IL1RAPL1: variants seen among roughly 807,000 people sequenced by gnomAD.
IL1RAPL1 encodes the protein interleukin 1 receptor accessory protein like 1.
Under a neutral mutation model 48.4 loss-of-function variants are expected in IL1RAPL1, and 3 were observed. That is an observed-to-expected ratio of 0.06 (90% CI 0.03 to 0.16). The LOEUF is 0.16. IL1RAPL1 is among the 10% of genes least tolerant of loss of function. The probability of loss-of-function intolerance (pLI) is 1.00; values close to 1 mark genes in which losing one functional copy is unlikely to be tolerated. For synonymous variants in IL1RAPL1, 185 were observed against 187.7 expected, an observed-to-expected ratio of 0.99 and a Z score of 0.12; for missense variants, 349 against 530.6, an observed-to-expected ratio of 0.66 and a Z score of 3.36.
In IL1RAPL1 at chrX:29,891,403, G is replaced by C. The variant is rs146035282; in HGVS notation, c.779-26061G>C. On this transcript the variant is annotated intron_variant, in intron 6 of 10. Transcript: ENST00000378993. ...ATGGCCATCAGCAGGGACTAATGGT[G>C]GTCACTATTAGTCTTCACTGACAGG... 2.1e-3 allele frequency among the ~76,000 whole-genome samples: 235 copies of C among 111,393 alleles called. 1 individual carries two copies. The highest frequency in any genetic ancestry group is 7.3e-3 in the African/African-American group (224 of 30,655).
intron 2 of IL1RAPL1, among the ~76,000 whole-genome samples, chrX:28,862,321 A>AT (rs938880893): frequency 2.7e-5 from 3 of 111,632 alleles, no homozygotes; most frequent in African/African-American, 9.8e-5. Context: ...TGTACTAGTA[A>AT]TTTTTTTCTT....
intron 6 of IL1RAPL1, among the ~76,000 whole-genome samples, chrX:29,879,019 G>C (rs1295776035): frequency 9.0e-6 from 1 of 111,131 alleles, no homozygotes; most frequent in Non-Finnish European, 1.9e-5. Flanking sequence ...AGTTCATTGG[G>C]TGAATGGATA....
At chrX:29,589,452 CA>C (rs1411143546) in intron 5 of IL1RAPL1, among the ~76,000 whole-genome samples, 1 of 108,587 alleles carries the variant, frequency 9.2e-6, no homozygotes, top group Non-Finnish European at 1.9e-5. Context: ...CTCCTATTTT[CA>C]GGTATTCTTT....
intron 6 of IL1RAPL1, among the ~76,000 whole-genome samples, chrX:29,871,561 C>G (rs1300216117): frequency 8.9e-6 from 1 of 111,989 alleles, no homozygotes; most frequent in African/African-American, 3.2e-5. Context: ...GTTTCCCACA[C>G]CTTGCTAGAT....
chrX:29,878,586 C>T (rs1461793627), intron 6 of IL1RAPL1, among the ~76,000 whole-genome samples: 1 of 111,578 alleles, frequency 9.0e-6, no homozygotes, highest in Non-Finnish European at 1.9e-5. Flanking sequence ...CAGATGTGGT[C>T]AAGACAAAAG....
chrX:28,803,501 T>C (rs1268698887), intron 2 of IL1RAPL1, among the ~76,000 whole-genome samples: 1 of 111,917 alleles, frequency 8.9e-6, no homozygotes, highest in African/African-American at 3.2e-5. Flanking sequence ...AGAGAAATTA[T>C]TGGTCGGCAA....
chrX:29,160,705 C>T (rs755919380), intron 2 of IL1RAPL1, among the ~76,000 whole-genome samples: 1 of 112,372 alleles, frequency 8.9e-6, no homozygotes, highest in South Asian at 3.7e-4. Context: ...GATATAATCC[C>T]TTCCTTCAGA....
At position 29,832,705 on chromosome X, in the gene IL1RAPL1, G is replaced by GTTT. The variant is rs67136004; in HGVS notation, c.779-84746_779-84744dup. On this transcript the variant is annotated intron_variant, in intron 6 of 10. Transcript: ENST00000378993. ...CTGTAAATGCTGTTTTTTTGTTTTT[G>GTTT]TTTTTTTTTTTTTTTGGCATGCAAA... 1.4e-3 allele frequency among the ~76,000 whole-genome samples: 119 copies of GTTT among 85,028 alleles called. No individual in the cohort carries two copies. In the East Asian group the frequency reaches 0.031, roughly 22 times the overall value. The allele number at this position is 85,028 out of a possible 115,157, so 73.8% of individuals were successfully genotyped here. A position where few individuals can be genotyped will look rare whatever the true frequency, so the allele number is the denominator to read the frequency against.
intron 5 of IL1RAPL1, among the ~76,000 whole-genome samples, chrX:29,515,616 T>G (rs1253345815): frequency 8.9e-6 from 1 of 112,380 alleles, no homozygotes; most frequent in Non-Finnish European, 1.9e-5. Context: ...GGTATGGATA[T>G]ATCACAATTT....
rs1310070725 is a variant in IL1RAPL1, at chrX:29,955,959, CAT to C, written c.*142_*143del. 7.7e-6 allele frequency: 4 copies of C among 521,552 alleles called. No homozygotes were observed. The highest frequency in any genetic ancestry group is 1.0e-5 in the Non-Finnish European group (3 of 294,979). 43.0% of individuals were successfully genotyped at this position (521,552 alleles called of 1,213,427 possible). A position where few individuals can be genotyped will look rare whatever the true frequency, so the allele number is the denominator to read the frequency against. ...ACACGAGGAAAAACAGGGTCTTGTA[CAT>C]ATGTTTTTTGGAATTTCTTTGTAGC... On this transcript the variant is annotated 3_prime_UTR_variant, in exon 11 of 11. Transcript: ENST00000378993.
intron 1 of IL1RAPL1, among the ~76,000 whole-genome samples, chrX:28,780,797 T>A (rs2147261497): frequency 9.1e-6 from 1 of 110,460 alleles, no homozygotes; most frequent in South Asian, 3.8e-4. Context: ...TAAGTCATTT[T>A]TCTATTATTA....
intron 1 of IL1RAPL1, among the ~76,000 whole-genome samples, chrX:28,707,481 T>A (rs1569155578): frequency 1.8e-5 from 2 of 112,280 alleles, no homozygotes; most frequent in Admixed American, 9.5e-5. Context: ...GATTGCCACA[T>A]AAGTTAGTAC....
chrX:29,535,634 C>T (rs1018157747), intron 5 of IL1RAPL1, among the ~76,000 whole-genome samples: 5 of 112,037 alleles, frequency 4.5e-5, no homozygotes, highest in African/African-American at 1.6e-4. Flanking sequence ...GTCACTTGTA[C>T]ACAAATCTTG....
At chrX:29,834,492 ATT>A (rs34399580) in intron 6 of IL1RAPL1, among the ~76,000 whole-genome samples, 1,397 of 72,698 alleles carry the variant, frequency 0.019, 27 homozygotes, top group African/African-American at 0.067. Flanking sequence ...AAGAAAAAGG[ATT>A]TTTTTTTTTT....
At chrX:29,591,932 A>G (rs1048076258) in intron 5 of IL1RAPL1, among the ~76,000 whole-genome samples, 2 of 112,010 alleles carry the variant, frequency 1.8e-5, no homozygotes, top group Non-Finnish European at 3.8e-5. Flanking sequence ...CTGACCTGCT[A>G]TTGAATCTGG....
chrX:29,307,832 A>G (rs902956618), intron 3 of IL1RAPL1, among the ~76,000 whole-genome samples: 4 of 112,497 alleles, frequency 3.6e-5, no homozygotes, highest in African/African-American at 1.3e-4. Context: ...CAAAATGCAC[A>G]TCTTAGAACT....
At chrX:29,236,872 T>C (rs925944828) in intron 2 of IL1RAPL1, among the ~76,000 whole-genome samples, 1 of 109,402 alleles carries the variant, frequency 9.1e-6, no homozygotes, top group African/African-American at 3.3e-5. Context: ...CCTGGCCCCA[T>C]TCCTTCTTCT....
chrX:29,386,856 A>G (rs1311434771), intron 3 of IL1RAPL1, among the ~76,000 whole-genome samples: 1 of 112,043 alleles, frequency 8.9e-6, no homozygotes, highest in East Asian at 2.8e-4. Context: ...AATGAATTTT[A>G]AATGCTCAGT....
At chrX:28,918,533 C>T (rs887753275) in intron 2 of IL1RAPL1, among the ~76,000 whole-genome samples, 2 of 112,200 alleles carry the variant, frequency 1.8e-5, no homozygotes, top group Non-Finnish European at 3.8e-5. Flanking sequence ...TCTATTGGAG[C>T]AGCTCTTTCA....
Sources: allele counts gnomAD v4.1 joint callset (sites outside exome capture counted in the v4.1 genomes callset), GRCh38; gene constraint gnomAD v4.1.1; transcripts MANE v1.5; gene names NCBI Gene and HGNC (gene_info 2026-07-23, HGNC 2026-07-21).